Variants in ANK1 observed in about 807,000 individuals in gnomAD.
The protein encoded by ANK1 is ankyrin 1, also known as ankyrin-1.
Under a neutral mutation model 210.4 loss-of-function variants are expected in ANK1, and 51 were observed. The ratio of observed to expected loss-of-function variants is 0.24; its 90% CI spans 0.19 to 0.31. The LOEUF (loss-of-function observed/expected upper bound fraction) is 0.31, where lower values mean the gene tolerates loss of function less well. Ranked by LOEUF, ANK1 falls within the 10% of genes least tolerant of loss-of-function variation. The pLI is 1.00. For synonymous variants in ANK1, 967 were observed against 1,025.9 expected, an observed-to-expected ratio of 0.94 and a Z score of 1.10; for missense variants, 2,051 against 2,504.4, an observed-to-expected ratio of 0.82 and a Z score of 3.86.
At chr8:41,663,946 G>T in intron 39 of ANK1, 1 of 663,136 alleles carries the variant, frequency 1.5e-6, no homozygotes. Context: ...TGGGAGGCCT[G>T]AAGACGAACG....
chr8:41,873,567 G>A (rs1198630925), intron 1 of ANK1, among the ~76,000 whole-genome samples: 1 of 152,216 alleles, frequency 6.6e-6, no homozygotes, highest in Non-Finnish European at 1.5e-5. Flanking sequence ...AACCAAGCTA[G>A]GCTAGTCCAA....
In ANK1 at chr8:41,693,162, G is replaced by T; in HGVS notation, c.3572C>A (p.Thr1191Asn). 6.2e-7 allele frequency: 1 copy of T among 1,613,812 alleles called. No individual in the cohort carries two copies. The highest frequency in any genetic ancestry group is 8.5e-7 in the Non-Finnish European group (1 of 1,179,714). Residue 1191 changes from threonine (T) to asparagine (N), a missense_variant, in exon 30 of 43, where the codon ACC becomes AAC. By Grantham distance (65) the Thr-to-Asn change is moderately conservative. This residue lies in a region of ANK1 where 1,413 missense variants were observed against 1,707.4 expected (regional missense o/e 0.83). Coordinates refer to ENST00000289734, the MANE Select transcript of ANK1 (RefSeq NM_000037.4). ...CTCGTTGGCATATACAAGTTTGGTG[G>T]TTCCTGTTATGTCTTCCCACTGGGC... is the stretch of plus-strand genomic sequence containing the variant. ...DQAQWEDITG[T>N]TKLVYANECA...
intron 1 of ANK1, among the ~76,000 whole-genome samples, chr8:41,852,942 C>T (rs1811530984): frequency 6.6e-6 from 1 of 152,202 alleles, no homozygotes; most frequent in South Asian, 2.1e-4. Context: ...ACCTCACAAG[C>T]TGTGATGGGG....
chr8:41,854,975 G>T (rs1038129066), intron 1 of ANK1, among the ~76,000 whole-genome samples: 8 of 150,716 alleles, frequency 5.3e-5, no homozygotes, highest in Admixed American at 6.6e-5. Context: ...AAGAAAAGCA[G>T]AACGCTGGTC....
intron 1 of ANK1, among the ~76,000 whole-genome samples, chr8:41,849,523 C>A (rs75585096): frequency 6.7e-5 from 10 of 149,098 alleles, no homozygotes; most frequent in Non-Finnish European, 7.4e-5. Context: ...GACAATGTCC[C>A]AAAAAAAAAA....
chr8:41,895,776 G>A (rs1161493215), intron 1 of ANK1, among the ~76,000 whole-genome samples: 3 of 151,824 alleles, frequency 2.0e-5, no homozygotes, highest in Non-Finnish European at 4.4e-5. Context: ...AGATCCGGAG[G>A]GTCAGGAAAG....
At chr8:41,656,638 G>A (rs1805813827) in intron 42 of ANK1, among the ~76,000 whole-genome samples, 1 of 152,240 alleles carries the variant, frequency 6.6e-6, no homozygotes, top group Admixed American at 6.5e-5. Flanking sequence ...GGACCACTGG[G>A]GAAAGGAGGA....
intron 2 of ANK1, among the ~76,000 whole-genome samples, chr8:41,739,973 C>G (rs1834351869): frequency 6.6e-6 from 1 of 151,958 alleles, no homozygotes. Flanking sequence ...TTGTCGTGCT[C>G]CAGCTTCAGT....
At chr8:41,789,845 A>G (rs6999958) in intron 1 of ANK1, among the ~76,000 whole-genome samples, 4,724 of 152,326 alleles carry the variant, frequency 0.031, 206 homozygotes, top group African/African-American at 0.097. Flanking sequence ...AAATATATAA[A>G]GAAAGTGCTG....
intron 31 of ANK1, among the ~76,000 whole-genome samples, chr8:41,690,899 A>C (rs1819098005): frequency 6.6e-6 from 1 of 151,926 alleles, no homozygotes; most frequent in African/African-American, 2.4e-5. Context: ...ATCATAACAT[A>C]GCTTCTGAAA....
At chr8:41,782,114 T>C (rs2150748686) in intron 1 of ANK1, among the ~76,000 whole-genome samples, 1 of 152,342 alleles carries the variant, frequency 6.6e-6, no homozygotes, top group Non-Finnish European at 1.5e-5. Flanking sequence ...ATTTCTTATG[T>C]GCCTGACACC....
At chr8:41,707,502 C>A (rs2150618984) in intron 17 of ANK1, among the ~76,000 whole-genome samples, 1 of 152,340 alleles carries the variant, frequency 6.6e-6, no homozygotes, top group South Asian at 2.1e-4. Context: ...TGGGCCCCTC[C>A]TGCAGGCAGG....
chr8:41,664,841 G>A, intron 39 of ANK1: 1 of 1,612,398 alleles, frequency 6.2e-7, no homozygotes, highest in East Asian at 2.2e-5. Context: ...CCCTGGTGGA[G>A]ATGGTCTCCT....
intron 1 of ANK1, among the ~76,000 whole-genome samples, chr8:41,759,858 T>C (rs188465186): frequency 5.2e-4 from 79 of 152,316 alleles, no homozygotes; most frequent in African/African-American, 1.8e-3. Flanking sequence ...ATGAGTGGGC[T>C]GAGGCACAGA....
rs1221897419 is a variant in ANK1 at position 41,693,218 on chromosome 8, A to C, written c.3533-17T>G. On this transcript the variant is annotated splice_polypyrimidine_tract_variant and intron_variant, in intron 29 of 42. Transcript: ENST00000289734. ...CTGTTCCTCCTGTAACAGCGGCAGA[A>C]ATGGGGCTGGGGACAGTCTTCAGGA... The C allele has an allele frequency of 1.1e-5, 17 of 1,562,864 alleles. No homozygotes were observed. Among genetic ancestry groups the C allele is most frequent in the Non-Finnish European group, 1.3e-5 (15 of 1,133,548 alleles).
chr8:41,842,192 G>A (rs775559852), intron 1 of ANK1, among the ~76,000 whole-genome samples: 12 of 152,162 alleles, frequency 7.9e-5, no homozygotes, highest in Admixed American at 1.3e-4. Context: ...TGTGGCTTTC[G>A]AGTAAAGATC....
At chr8:41,680,584 A>G (rs964115844) in intron 37 of ANK1, among the ~76,000 whole-genome samples, 1 of 142,224 alleles carries the variant, frequency 7.0e-6, no homozygotes, top group Non-Finnish European at 1.5e-5. Context: ...AAAAAAAAAA[A>G]GTATGGATAC....
chr8:41,845,788 T>A (rs1018105795), intron 1 of ANK1, among the ~76,000 whole-genome samples: 8 of 152,186 alleles, frequency 5.3e-5, no homozygotes, highest in Non-Finnish European at 1.2e-4. Context: ...CATCTGTTTT[T>A]CTCCTTCCCC....
chr8:41,754,294 T>C (rs896337060), intron 2 of ANK1, among the ~76,000 whole-genome samples: 13 of 152,222 alleles, frequency 8.5e-5, no homozygotes, highest in Admixed American at 8.5e-4. Flanking sequence ...GGTTCCTGTA[T>C]GCACACATGT....
Sources: gnomAD v4.1 joint callset for allele counts (sites outside exome capture counted in the v4.1 genomes callset) on GRCh38, gnomAD v4.1.1 for gene constraint, gnomAD v4.1.1 regional missense constraint, MANE v1.5 for transcripts, NCBI Gene and HGNC (gene_info 2026-07-23, HGNC 2026-07-21) for gene names.